The following ARHGAP10 variants were observed in gnomAD, a reference collection of about 807,000 sequenced individuals.
ARHGAP10 encodes the protein Rho GTPase activating protein 10.
A neutral mutation model predicts 108.6 loss-of-function variants in ARHGAP10; 87 were observed. The ratio of observed to expected loss-of-function variants is 0.80; its 90% CI spans 0.67 to 0.96. The LOEUF is 0.96. Among genes scored for constraint, ARHGAP10 ranks in the 40% least tolerant of loss-of-function variants. The pLI is 0.00. For missense variants in ARHGAP10, 939 were observed against 954.5 expected (o/e 0.98, Z 0.21); for synonymous variants, 347 against 341.1 (o/e 1.02, Z -0.19).
chr4:148,003,422 C>G (rs1012329710), intron 18 of ARHGAP10, among the ~76,000 whole-genome samples: 2 of 152,146 alleles, frequency 1.3e-5, no homozygotes, highest in Admixed American at 6.5e-5. Context: ...CTGTGGATGT[C>G]TATTAGGTCC....
At chr4:148,032,128 T>A (rs1052252369) in intron 19 of ARHGAP10, among the ~76,000 whole-genome samples, 11 of 152,064 alleles carry the variant, frequency 7.2e-5, no homozygotes, top group Admixed American at 3.3e-4. Flanking sequence ...AAAAATAATT[T>A]AAAAAATAAA....
At chr4:147,897,828 C>T (rs1736056952) in intron 10 of ARHGAP10, among the ~76,000 whole-genome samples, 1 of 152,060 alleles carries the variant, frequency 6.6e-6, no homozygotes, top group Non-Finnish European at 1.5e-5. Flanking sequence ...CAGGTATATG[C>T]ATACATGTGG....
At chr4:147,766,582 A>G (rs1390771132) in intron 1 of ARHGAP10, among the ~76,000 whole-genome samples, 1 of 145,398 alleles carries the variant, frequency 6.9e-6, no homozygotes, top group African/African-American at 2.5e-5. Flanking sequence ...GTGTATATAT[A>G]CACATACATA....
At chr4:147,820,701 G>A (rs527808877) in intron 1 of ARHGAP10, among the ~76,000 whole-genome samples, 26 of 131,232 alleles carry the variant, frequency 2.0e-4, no homozygotes, top group African/African-American at 7.2e-4. Flanking sequence ...AGTGATTCTC[G>A]TGCCTCAGCC....
intron 13 of ARHGAP10, among the ~76,000 whole-genome samples, chr4:147,932,659 G>A (rs1315650546): frequency 6.6e-6 from 1 of 150,470 alleles, no homozygotes; most frequent in East Asian, 2.0e-4. Context: ...GAAGGCGGGG[G>A]TGGGAGGAGG....
intron 18 of ARHGAP10, among the ~76,000 whole-genome samples, chr4:147,985,089 G>GGT (rs112090958): frequency 0.014 from 2,066 of 152,318 alleles, 30 homozygotes; most frequent in African/African-American, 0.035. Flanking sequence ...TCATCCAGGA[G>GGT]AGTGGGTCCT....
intron 1 of ARHGAP10, among the ~76,000 whole-genome samples, chr4:147,787,179 G>A (rs1192313882): frequency 6.6e-6 from 1 of 152,126 alleles, no homozygotes; most frequent in Non-Finnish European, 1.5e-5. Flanking sequence ...GGCTTTAGAA[G>A]CAAGGAGGGT....
intron 1 of ARHGAP10, among the ~76,000 whole-genome samples, chr4:147,757,725 GTTC>G (rs1191911790): frequency 6.6e-6 from 1 of 152,200 alleles, no homozygotes; most frequent in African/African-American, 2.4e-5. Flanking sequence ...TACTTAACCT[GTTC>G]TTCAGTCACC....
In ARHGAP10 at chr4:147,871,120, C is replaced by T. The variant is rs560823202; in HGVS notation, c.703-3901C>T. The stretch of plus-strand genomic sequence containing the variant: ...GACTACAGGTGCCCGCCACCGTGCC[C>T]GGCTAATTTTTGTATTTTTAGTAGA... On this transcript the variant is annotated intron_variant, in intron 7 of 22. Coordinates refer to ENST00000336498, the MANE Select transcript of ARHGAP10 (RefSeq NM_024605.4). Among the ~76,000 whole-genome samples the T allele has an allele frequency of 5.3e-5, 8 of 152,084 alleles. No homozygotes were observed. The East Asian group carries it at 7.7e-4, about 15-fold the overall frequency.
chr4:148,037,934 C>G (rs1249034770), intron 19 of ARHGAP10, among the ~76,000 whole-genome samples: 1 of 151,826 alleles, frequency 6.6e-6, no homozygotes, highest in Non-Finnish European at 1.5e-5. Flanking sequence ...CTGGCTGAAG[C>G]TTTTCACCAG....
At chr4:147,881,204 C>T (rs962273134) in intron 9 of ARHGAP10, among the ~76,000 whole-genome samples, 1 of 151,610 alleles carries the variant, frequency 6.6e-6, no homozygotes, top group African/African-American at 2.4e-5. Flanking sequence ...ACCCAGGATT[C>T]GGAGTTTGCA....
intron 4 of ARHGAP10, among the ~76,000 whole-genome samples, chr4:147,855,854 G>T (rs1734064942): frequency 6.6e-6 from 1 of 152,134 alleles, no homozygotes; most frequent in Admixed American, 6.5e-5. Flanking sequence ...GTTTCCAGAA[G>T]AACAGCGTGT....
intron 19 of ARHGAP10, among the ~76,000 whole-genome samples, chr4:148,034,159 A>T (rs1728271902): frequency 6.6e-6 from 1 of 152,196 alleles, no homozygotes; most frequent in South Asian, 2.1e-4. Context: ...GTTTTCGCTT[A>T]TATTTTCTTG....
chr4:147,863,394 A>G (rs947186930), intron 5 of ARHGAP10: 1 of 152,332 alleles, frequency 6.6e-6, no homozygotes, highest in Non-Finnish European at 1.5e-5. Context: ...TGATGTCCTC[A>G]AGGTTTATCC....
At chr4:148,064,392 C>G (rs1729766308) in intron 21 of ARHGAP10, 24 bp from the exon 22 acceptor site, 7 of 1,608,844 alleles carry the variant, frequency 4.4e-6, no homozygotes, top group Non-Finnish European at 4.2e-6. Context: ...TCATTGGTGT[C>G]TTTTGTATTC....
chr4:147,779,579 A>G (rs1730446449), intron 1 of ARHGAP10, among the ~76,000 whole-genome samples: 1 of 152,290 alleles, frequency 6.6e-6, no homozygotes, highest in East Asian at 1.9e-4. Flanking sequence ...TGAGGAAGGT[A>G]AGGAAGAGAG....
At chr4:147,952,659 C>T (rs940972032) in intron 15 of ARHGAP10, among the ~76,000 whole-genome samples, 2 of 151,970 alleles carry the variant, frequency 1.3e-5, no homozygotes, top group East Asian at 1.9e-4. Context: ...GAGTACAAGT[C>T]CTTTCTTAGA....
At chr4:147,923,074 T>C (rs1737314640) in intron 13 of ARHGAP10, among the ~76,000 whole-genome samples, 1 of 152,242 alleles carries the variant, frequency 6.6e-6, no homozygotes, top group Non-Finnish European at 1.5e-5. Flanking sequence ...TTGGTAATAT[T>C]GTGTGTCTCA....
intron 16 of ARHGAP10, among the ~76,000 whole-genome samples, chr4:147,958,192 G>GT (rs1315701840): frequency 6.6e-6 from 1 of 152,204 alleles, no homozygotes; most frequent in Non-Finnish European, 1.5e-5. Flanking sequence ...TATGATCTGT[G>GT]TGTCAGCCTT....
Sources: allele counts gnomAD v4.1 joint callset (sites outside exome capture counted in the v4.1 genomes callset), GRCh38; gene constraint gnomAD v4.1.1; transcripts MANE v1.5; gene names NCBI Gene and HGNC (gene_info 2026-07-23, HGNC 2026-07-21).